Variants in STT3A observed in about 807,000 individuals in gnomAD.
The protein encoded by STT3A is dolichyl-diphosphooligosaccharide--protein glycosyltransferase subunit STT3A.
In STT3A, 34 loss-of-function variants were observed where a neutral mutation model predicts 89.2. That is an observed-to-expected ratio of 0.38 (90% CI 0.29 to 0.51). STT3A has a LOEUF of 0.51. Ranked by LOEUF, STT3A falls within the 20% of genes least tolerant of loss-of-function variation. STT3A has a pLI of 0.89. For missense variants in STT3A, 555 were observed against 889.5 expected (o/e 0.62, Z 4.78); for synonymous variants, 282 against 310.3 (o/e 0.91, Z 0.96).
chr11:125,615,003 T>C (rs1318990244), intron 15 of STT3A, among the ~76,000 whole-genome samples: 1 of 152,030 alleles, frequency 6.6e-6, no homozygotes, highest in African/African-American at 2.4e-5. Flanking sequence ...CAGCCGGGTG[T>C]GGTGGCTCAC....
chr11:125,619,870 C>CT, intron 16 of STT3A, 141 bp from the exon 17 acceptor site: 2 of 671,258 alleles, frequency 3.0e-6, no homozygotes, highest in South Asian at 2.0e-5. Context: ...ACCTCATGCC[C>CT]TTTTTTGCAG....
At chr11:125,595,702 C>T (rs753218149) in intron 1 of STT3A, among the ~76,000 whole-genome samples, 179 bp from the exon 2 acceptor site, 16 of 152,172 alleles carry the variant, frequency 1.1e-4, no homozygotes, top group Non-Finnish European at 2.1e-4. Context: ...TGACTTGTGC[C>T]TACTTCCTTG....
chr11:125,602,999 C>T (rs368748736), intron 5 of STT3A, 51 bp downstream of exon 5: 6 of 1,606,250 alleles, frequency 3.7e-6, no homozygotes, highest in Non-Finnish European at 4.3e-6. Context: ...TATTGAGCCT[C>T]TCTAATCGAT....
chr11:125,621,704 C>T lies in STT3A; in HGVS notation c.*894C>T, dbSNP rs1389347570. On this transcript the variant is annotated 3_prime_UTR_variant, in exon 18 of 18. Transcript: ENST00000392708. The stretch of plus-strand genomic sequence containing the variant: ...TATGTGTTGCTGTTGTATATTGTTA[C>T]CAAGTTCAACTACCTAATTTTGAAG... The T allele has an allele frequency of 6.6e-6, 1 of 152,080 alleles. No homozygotes were observed. Among genetic ancestry groups the T allele is most frequent in the East Asian group, 1.9e-4 (1 of 5,190 alleles). The allele number at this position is 152,080 out of a possible 1,614,324, so 9.4% of individuals were successfully genotyped here.
intron 11 of STT3A, 135 bp from the exon 12 acceptor site, chr11:125,612,457 G>T: frequency 2.1e-6 from 2 of 965,284 alleles, no homozygotes; most frequent in Non-Finnish European, 3.0e-6. Context: ...ACTGTTTCAA[G>T]TATTTTCTCT....
intron 1 of STT3A, among the ~76,000 whole-genome samples, chr11:125,594,031 A>T (rs1484439215): frequency 1.3e-5 from 2 of 152,342 alleles, no homozygotes; most frequent in East Asian, 1.9e-4. Context: ...AAAATACACA[A>T]TTTGTTGTAT....
chr11:125,601,110 A>T (rs957410676), intron 3 of STT3A, among the ~76,000 whole-genome samples: 1 of 152,176 alleles, frequency 6.6e-6, no homozygotes, highest in African/African-American at 2.4e-5. Flanking sequence ...TTATGCTTCT[A>T]TATAGGTGAC....
intron 10 of STT3A, 166 bp downstream of exon 10, chr11:125,609,755 C>G (rs1939947582): frequency 1.5e-6 from 1 of 678,960 alleles, no homozygotes; most frequent in Non-Finnish European, 2.3e-6. Flanking sequence ...GAGCAGAAGT[C>G]AGAAGTTCAA....
In STT3A at chr11:125,622,469, AACTTGTCGCT is replaced by A; in HGVS notation, c.*1662_*1671del. On this transcript the variant is annotated 3_prime_UTR_variant, in exon 18 of 18. Coordinates refer to ENST00000392708, the MANE Select transcript of STT3A (RefSeq NM_152713.5). ...TTATACTATACATAGGATAACTTTT[AACTTGTCGCT>A]ACAGTTGTTGCTCTGAGGATCTTAA... 6.6e-6 allele frequency: 1 copy of A among 152,326 alleles called. No homozygotes were observed. Among genetic ancestry groups the A allele is most frequent in the East Asian group, 1.9e-4 (1 of 5,192 alleles). 9.4% of individuals were successfully genotyped at this position (152,326 alleles called of 1,614,324 possible). A position where few individuals can be genotyped will look rare whatever the true frequency, so the allele number is the denominator to read the frequency against.
chr11:125,593,145 A>G (rs1939369802), intron 1 of STT3A: 1 of 152,900 alleles, frequency 6.5e-6, no homozygotes, highest in Non-Finnish European at 1.5e-5. Context: ...AGAGCGTGGG[A>G]AAGACTGGGT....
chr11:125,617,861 G>A (rs1039336876), intron 15 of STT3A, among the ~76,000 whole-genome samples: 1 of 152,176 alleles, frequency 6.6e-6, no homozygotes, highest in African/African-American at 2.4e-5. Flanking sequence ...AGAAACAGGT[G>A]AAAGTAATTT....
rs992124201 is a variant in STT3A at position 125,613,876 on chromosome 11, G to A, written c.1555-211G>A. ...CTGGGATGAAGTGTTGGGAATGTTG[G>A]TTTGTTATTTGTGCTGAGATTTTAT... On this transcript the variant is annotated intron_variant, in intron 13 of 17. Coordinates refer to ENST00000392708, the MANE Select transcript of STT3A (RefSeq NM_152713.5). This position sits in a 1 kb window ranked among gnomAD's most constrained non-coding sequence, Gnocchi z 4.2. The A allele has an allele frequency of 1.9e-6, 1 of 523,296 alleles. No individual in the cohort carries two copies. The allele number at this position is 523,296 out of a possible 1,614,324, so 32.4% of individuals were successfully genotyped here.
chr11:125,618,612 A>ACTGTT, intron 16 of STT3A, 51 bp downstream of exon 16: 1 of 1,547,578 alleles, frequency 6.5e-7, no homozygotes, highest in Non-Finnish European at 8.8e-7. Flanking sequence ...AGTGATTACT[A>ACTGTT]ATACACAGTA....
At chr11:125,604,104 C>A in intron 5 of STT3A, 53 bp from the exon 6 acceptor site, 1 of 1,583,966 alleles carries the variant, frequency 6.3e-7, no homozygotes, top group Non-Finnish European at 8.7e-7. Flanking sequence ...ATCCTCTGTT[C>A]TTTCTCAGCA....
At chr11:125,602,604 T>C (rs1286720838) in intron 4 of STT3A, among the ~76,000 whole-genome samples, 180 bp downstream of exon 4, 1 of 152,140 alleles carries the variant, frequency 6.6e-6, no homozygotes, top group Non-Finnish European at 1.5e-5. Flanking sequence ...AGAGTGGAGA[T>C]GGGTGGTTTT....
chr11:125,620,650 G>A, intron 17 of STT3A, 122 bp from the exon 18 acceptor site: 3 of 840,790 alleles, frequency 3.6e-6, no homozygotes, highest in Non-Finnish European at 3.9e-6. Context: ...TGTATTCACA[G>A]CCCTAAACCA....
chr11:125,601,107 T>A lies in STT3A; in HGVS notation c.150-1196T>A, dbSNP rs377014517. On this transcript the variant is annotated intron_variant, in intron 3 of 17. Coordinates refer to ENST00000392708, the MANE Select transcript of STT3A (RefSeq NM_152713.5). ...TGGCTGTAATCTATATTTTTATGCT[T>A]CTATATAGGTGACATAAGAAGCATT... 7.6e-4 allele frequency among the ~76,000 whole-genome samples: 116 copies of A among 152,306 alleles called. 1 individual carries two copies. The highest frequency in any genetic ancestry group is 2.7e-3 in the African/African-American group (113 of 41,570).
At chr11:125,592,507 T>C, upstream of STT3A, 12 of 455,466 alleles carry the variant, frequency 2.6e-5, 1 homozygote, top group South Asian at 1.7e-4. Context: ...CCGCTTCTTG[T>C]CACATGACGG....
In STT3A at chr11:125,611,510, A is replaced by C. The variant is rs533960854; in HGVS notation, c.1200A>C (p.Ser400=). 36 of 1,613,728 alleles carry C rather than the reference A, an allele frequency of 2.2e-5. No individual in the cohort carries two copies. The African/African-American group carries it at 3.9e-4, about 17-fold the overall frequency. Residue 400 remains serine, a synonymous_variant, in exon 11 of 18, where the codon TCA becomes TCC. Coordinates refer to ENST00000392708, the MANE Select transcript of STT3A (RefSeq NM_152713.5). ...ATGGTGTGACCAGCATGTACTTTTC[A>C]GCTGTAATGGTGAGGATGCCCTCAG... ...IMYGVTSMYF[S]AVMVRLMLVL...
Sources: gnomAD v4.1 joint callset for allele counts (sites outside exome capture counted in the v4.1 genomes callset) on GRCh38, gnomAD v4.1.1 for gene constraint, Gnocchi (gnomAD v3.1) non-coding constraint, MANE v1.5 for transcripts, NCBI Gene and HGNC (gene_info 2026-07-23, HGNC 2026-07-21) for gene names.